Variants in AGBL4 observed in about 807,000 individuals in gnomAD.
AGBL4 encodes cytosolic carboxypeptidase 6.
Under a neutral mutation model 66.4 loss-of-function variants are expected in AGBL4, and 58 were observed. The ratio of observed to expected loss-of-function variants is 0.87; its 90% CI spans 0.71 to 1.09. The LOEUF (loss-of-function observed/expected upper bound fraction) is 1.09. Ranked by LOEUF, AGBL4 falls within the 50% of genes least tolerant of loss-of-function variation. The pLI is 0.00. For missense variants in AGBL4, 579 were observed against 631.0 expected, an observed-to-expected ratio of 0.92 and a Z score of 0.88; for synonymous variants, 234 against 222.9, an observed-to-expected ratio of 1.05 and a Z score of -0.44.
intron 6 of AGBL4, among the ~76,000 whole-genome samples, chr1:48,826,528 A>G (rs1230880718): frequency 1.3e-5 from 2 of 152,204 alleles, no homozygotes; most frequent in African/African-American, 4.8e-5. Flanking sequence ...TCATTCAAAG[A>G]GACTCCAGAG....
At chr1:49,883,937 T>C (rs1025139444) in intron 1 of AGBL4, among the ~76,000 whole-genome samples, 1 of 152,026 alleles carries the variant, frequency 6.6e-6, no homozygotes, top group Non-Finnish European at 1.5e-5. Flanking sequence ...AGAGAAATAA[T>C]ATCTCAATTA....
rs561056894 is a variant in AGBL4 at position 48,586,908 on chromosome 1, C to A, written c.1267+96G>T. 1.1e-5 allele frequency: 16 copies of A among 1,510,216 alleles called. No individual in the cohort carries two copies. The African/African-American group carries it at 2.1e-4, about 19-fold the overall frequency. 93.6% of individuals were successfully genotyped at this position (1,510,216 alleles called of 1,614,324 possible). Reference sequence around the variant, plus strand: ...CCATCCTCACCTGAGAGTCTCAGCCCTTACCTGAGCTGGGGGCCTAATTCC... The same window carrying A: ...CCATCCTCACCTGAGAGTCTCAGCCATTACCTGAGCTGGGGGCCTAATTCC... On this transcript the variant is annotated intron_variant, in intron 11 of 13. Transcript: ENST00000371839.
At chr1:49,608,110 A>G (rs1241216513) in intron 3 of AGBL4, among the ~76,000 whole-genome samples, 2 of 152,132 alleles carry the variant, frequency 1.3e-5, no homozygotes, top group African/African-American at 2.4e-5. Flanking sequence ...CAAAGCTTCA[A>G]AAGAAATATT....
intron 3 of AGBL4, among the ~76,000 whole-genome samples, chr1:49,599,380 T>C (rs1458163355): frequency 6.6e-6 from 1 of 152,226 alleles, no homozygotes; most frequent in Admixed American, 6.5e-5. Flanking sequence ...GATTTTCTAG[T>C]GTATTTGCGT....
intron 3 of AGBL4, among the ~76,000 whole-genome samples, chr1:49,512,881 T>G (rs1649406126): frequency 6.6e-6 from 1 of 151,944 alleles, no homozygotes; most frequent in Non-Finnish European, 1.5e-5. Context: ...TAAAACTACA[T>G]ATATTTAACT....
chr1:49,889,432 T>G (rs1648408237), intron 1 of AGBL4, among the ~76,000 whole-genome samples: 1 of 152,206 alleles, frequency 6.6e-6, no homozygotes, highest in Admixed American at 6.5e-5. Flanking sequence ...TTTTGTATTT[T>G]CTAATATATG....
At chr1:49,548,643 ATT>A (rs1652702724) in intron 3 of AGBL4, among the ~76,000 whole-genome samples, 1 of 152,104 alleles carries the variant, frequency 6.6e-6, no homozygotes, top group Admixed American at 6.5e-5. Flanking sequence ...ATCATGGTGG[ATT>A]ATCTTTTTGA....
chr1:48,694,471 T>C (rs1210423594), intron 6 of AGBL4, among the ~76,000 whole-genome samples: 1 of 152,200 alleles, frequency 6.6e-6, no homozygotes, highest in Non-Finnish European at 1.5e-5. Context: ...ATCTTCCTCA[T>C]AAGACTGGAA....
At chr1:49,985,442 G>A (rs534659299) in intron 1 of AGBL4, among the ~76,000 whole-genome samples, 171 of 151,600 alleles carry the variant, frequency 1.1e-3, no homozygotes, top group African/African-American at 4.0e-3. Flanking sequence ...GGGTGTAGAC[G>A]ATGGATGGAA....
intron 6 of AGBL4, among the ~76,000 whole-genome samples, chr1:48,796,394 C>T (rs1379359133): frequency 6.6e-6 from 1 of 152,136 alleles, no homozygotes; most frequent in Non-Finnish European, 1.5e-5. Context: ...TGGAATTCCT[C>T]AATTAAAATA....
chr1:48,883,164 TA>T (rs1649956073), intron 5 of AGBL4, among the ~76,000 whole-genome samples: 1 of 152,254 alleles, frequency 6.6e-6, no homozygotes, highest in South Asian at 2.1e-4. Flanking sequence ...ATGGTAGTTC[TA>T]TTTTTAATTT....
At chr1:49,573,455 G>T (rs945927687) in intron 3 of AGBL4, among the ~76,000 whole-genome samples, 1 of 151,944 alleles carries the variant, frequency 6.6e-6, no homozygotes, top group Non-Finnish European at 1.5e-5. Context: ...TTTGTGAGAG[G>T]CAAGGAGTTT....
intron 4 of AGBL4, among the ~76,000 whole-genome samples, chr1:49,095,068 C>T (rs1302929768): frequency 5.3e-5 from 8 of 152,150 alleles, no homozygotes; most frequent in East Asian, 1.9e-4. Flanking sequence ...AAATCATGAG[C>T]AAACTCCCAT....
chr1:48,909,604 C>G (rs1294132016), intron 5 of AGBL4, among the ~76,000 whole-genome samples: 4 of 152,116 alleles, frequency 2.6e-5, no homozygotes, highest in African/African-American at 9.7e-5. Context: ...AAATTTTTTC[C>G]TCAAGTAATA....
chr1:48,561,874 T>G (rs1416750433), intron 11 of AGBL4, among the ~76,000 whole-genome samples: 1 of 152,232 alleles, frequency 6.6e-6, no homozygotes, highest in Non-Finnish European at 1.5e-5. Flanking sequence ...GCTCATTGAC[T>G]GCAGATTTGG....
chr1:48,928,693 G>T (rs1654787657), intron 5 of AGBL4, among the ~76,000 whole-genome samples: 1 of 152,014 alleles, frequency 6.6e-6, no homozygotes, highest in Non-Finnish European at 1.5e-5. Context: ...GGCCTTAGTT[G>T]TCTCACTTAT....
intron 3 of AGBL4, among the ~76,000 whole-genome samples, chr1:49,638,411 T>C (rs1237981345): frequency 6.6e-6 from 1 of 152,236 alleles, no homozygotes; most frequent in African/African-American, 2.4e-5. Context: ...CATAATTTTC[T>C]ATTACTTTTA....
At chr1:48,803,067 A>G (rs1645846242) in intron 6 of AGBL4, among the ~76,000 whole-genome samples, 2 of 152,146 alleles carry the variant, frequency 1.3e-5, no homozygotes, top group East Asian at 1.9e-4. Context: ...GATTATTCCC[A>G]CTAGTGAAGA....
At position 49,932,850 on chromosome 1, in the gene AGBL4, A is replaced by G. The variant is rs1367240158; in HGVS notation, c.35-81332T>C. ...TAAAGAATCAGCAAATGCAAAAACT[A>G]AAATTATTCAATCAGAGTAGAAAAT... On this transcript the variant is annotated intron_variant, in intron 1 of 13. Transcript: ENST00000371839. Among the ~76,000 whole-genome samples the G allele has an allele frequency of 2.6e-5, 4 of 152,164 alleles. No individual in the cohort carries two copies. The South Asian group carries it at 6.2e-4, about 24-fold the overall frequency.
Sources: allele counts gnomAD v4.1 joint callset (sites outside exome capture counted in the v4.1 genomes callset), GRCh38; gene constraint gnomAD v4.1.1; transcripts MANE v1.5; gene names NCBI Gene and HGNC (gene_info 2026-07-23, HGNC 2026-07-21).